The following LPCAT1 variants were observed in gnomAD, a reference collection of about 807,000 sequenced individuals.
LPCAT1 encodes the protein lysophosphatidylcholine acyltransferase 1, also known as 1-acylglycerol-3-phosphate O-acyltransferase.
Under a neutral mutation model 60.9 loss-of-function variants are expected in LPCAT1, and 23 were observed. The ratio of observed to expected loss-of-function variants is 0.38; its 90% CI spans 0.27 to 0.53. LPCAT1 has a LOEUF of 0.53. Ranked by LOEUF, LPCAT1 falls within the 20% of genes least tolerant of loss-of-function variation. The pLI, the probability that LPCAT1 is intolerant of heterozygous loss-of-function variation, is 0.82. For missense variants in LPCAT1, 622 were observed against 723.6 expected (o/e 0.86, Z 1.61); for synonymous variants, 340 against 301.1 (o/e 1.13, Z -1.34).
chr5:1,482,230 G>C (rs547956984), intron 6 of LPCAT1, among the ~76,000 whole-genome samples: 1 of 151,718 alleles, frequency 6.6e-6, no homozygotes, highest in South Asian at 2.1e-4. Context: ...GTGGAAGGGG[G>C]AACACAGCTG....
chr5:1,484,389 A>G (rs1035263784), intron 5 of LPCAT1, among the ~76,000 whole-genome samples: 2 of 152,242 alleles, frequency 1.3e-5, no homozygotes, highest in African/African-American at 4.8e-5. Flanking sequence ...CTCTATTGAA[A>G]GAGTTTTTTT....
chr5:1,507,574 T>C (rs941890045), intron 1 of LPCAT1, among the ~76,000 whole-genome samples: 2 of 152,006 alleles, frequency 1.3e-5, no homozygotes, highest in African/African-American at 4.8e-5. Flanking sequence ...AATGCAGAGA[T>C]GAAGATGGGA....
In LPCAT1 at chr5:1,501,513, A is replaced by T. The variant is rs961668552; in HGVS notation, c.226T>A (p.Ser76Thr). 3 of 1,613,756 alleles carry T rather than the reference A, an allele frequency of 1.9e-6. No homozygotes were observed. The Admixed American group carries it at 5.0e-5, about 27-fold the overall frequency. Residue 76 changes from serine (S) to threonine (T), a missense_variant, in exon 2 of 14, where the codon TCC becomes ACC. Around this residue, in one of 3 missense-constraint regions of LPCAT1, gnomAD observed 125 missense variants for 114.5 expected, o/e 1.09. Transcript: ENST00000283415. ...LLAWPLALVASLGSAEKEPEQ... is the reference protein window; with the variant it reads ...LLAWPLALVATLGSAEKEPEQ... The stretch of plus-strand genomic sequence containing the variant: ...GGTTCCTTCTCCGCAGAGCCCAGGG[A>T]TGCGACAAGTGCGAGGGGCCAGGCC...
chr5:1,480,862 G>A lies in LPCAT1; in HGVS notation c.761+80C>T. ...GCTTTCACAACTGCAAAAGTAACTAGCGTGCACAGCAGACCCCAAGCAGCC... is the reference window on the plus strand; with the variant it reads ...GCTTTCACAACTGCAAAAGTAACTAACGTGCACAGCAGACCCCAAGCAGCC... On this transcript the variant is annotated intron_variant, in intron 7 of 13. Coordinates refer to ENST00000283415, the MANE Select transcript of LPCAT1 (RefSeq NM_024830.5). This position sits in a 1 kb window ranked among gnomAD's most constrained non-coding sequence, Gnocchi z 6.4. The A allele has an allele frequency of 6.6e-7, 1 of 1,524,682 alleles. No homozygotes were observed. Among genetic ancestry groups the A allele is most frequent in the Non-Finnish European group, 9.1e-7 (1 of 1,099,334 alleles). The allele number at this position is 1,524,682 out of a possible 1,614,324, so 94.4% of individuals were successfully genotyped here.
Position 1,507,421 on chromosome 5 carries a change from T to G in LPCAT1, c.136-5818A>C, listed in dbSNP as rs73033825. 7.0e-3 allele frequency among the ~76,000 whole-genome samples: 1,067 copies of G among 152,358 alleles called. 11 individuals are homozygous for G. Among genetic ancestry groups the G allele is most frequent in the African/African-American group, 0.024 (1,001 of 41,586 alleles). On this transcript the variant is annotated intron_variant, in intron 1 of 13. Transcript: ENST00000283415. ...TGAGTTACTTCAACTATTTGAAAGT[T>G]GGCTACGATAAACCAAGGCGTCCAG...
chr5:1,499,741 C>T (rs1735936933), intron 2 of LPCAT1, among the ~76,000 whole-genome samples: 1 of 152,322 alleles, frequency 6.6e-6, no homozygotes, highest in Middle Eastern at 3.4e-3. Flanking sequence ...CTGCCCTCTC[C>T]TATGACTGCA....
chr5:1,483,455 A>G lies in LPCAT1; in HGVS notation c.699T>C (p.Pro233=), dbSNP rs150856752. The G allele has an allele frequency of 9.9e-6, 16 of 1,613,776 alleles. No homozygotes were observed. In the African/African-American group the frequency reaches 2.1e-4, roughly 21 times the overall value. ...GAFIPGAPVQ[P]VVLRYPNKLD... Reference sequence around the variant, plus strand: ...GTTTATTTGGATATCGTAAAACCACAGGCTGGACGGGCGCTCCAGGGATGA... The same window carrying G: ...GTTTATTTGGATATCGTAAAACCACGGGCTGGACGGGCGCTCCAGGGATGA... Residue 233 remains proline (P), a synonymous_variant, in exon 6 of 14, where the codon CCT becomes CCC. Transcript: ENST00000283415. This position sits in a 1 kb window ranked among gnomAD's most constrained non-coding sequence, Gnocchi z 9.2.
intron 1 of LPCAT1, among the ~76,000 whole-genome samples, chr5:1,508,924 T>G: frequency 6.6e-6 from 1 of 152,240 alleles, no homozygotes; most frequent in East Asian, 1.9e-4. Flanking sequence ...TCACAATCAG[T>G]GCTGAACTCA....
rs1168910926 is a variant in LPCAT1, at chr5:1,480,408, AGACGTCAGCACCCAGGAGGCCCT to A, written c.761+511_761+533del. The A allele has an allele frequency of 1.0e-6, 1 of 983,174 alleles. No individual in the cohort carries two copies. The highest frequency in any genetic ancestry group is 1.7e-5 in the African/African-American group (1 of 57,188). 60.9% of individuals were successfully genotyped at this position (983,174 alleles called of 1,614,324 possible). A position where few individuals can be genotyped will look rare whatever the true frequency, so the allele number is the denominator to read the frequency against. ...CCCTCTGCCCTCCCGACGTCAGCTCAGACGTCAGCACCCAGGAGGCCCTGACCAGCCTGTGGCCCCGGGCTTCT... is the reference window on the plus strand; with the variant it reads ...CCCTCTGCCCTCCCGACGTCAGCTCAGACCAGCCTGTGGCCCCGGGCTTCT... On this transcript the variant is annotated intron_variant, in intron 7 of 13. Coordinates refer to ENST00000283415, the MANE Select transcript of LPCAT1 (RefSeq NM_024830.5). The surrounding 1 kb of genome is among the most constrained non-coding windows in gnomAD (Gnocchi z 6.4).
At chr5:1,466,475 C>T (rs1324424440) in intron 13 of LPCAT1, among the ~76,000 whole-genome samples, 1 of 152,206 alleles carries the variant, frequency 6.6e-6, no homozygotes, top group East Asian at 1.9e-4. Flanking sequence ...TGAATCCCAG[C>T]CTGAGGCCAT....
chr5:1,479,558 T>C (rs1735049486), intron 8 of LPCAT1, 63 bp downstream of exon 8: 12 of 1,171,124 alleles, frequency 1.0e-5, no homozygotes, highest in South Asian at 2.4e-5. Flanking sequence ...GGCATCCTGG[T>C]GTAAGCTCGT....
At chr5:1,512,368 C>T (rs912150360) in intron 1 of LPCAT1, among the ~76,000 whole-genome samples, 7 of 152,196 alleles carry the variant, frequency 4.6e-5, no homozygotes, top group African/African-American at 9.6e-5. Context: ...CACAAGGCCC[C>T]GGCCCAAGAG....
chr5:1,523,024 C>A lies in LPCAT1; in HGVS notation c.135+686G>T, dbSNP rs1470958340. On this transcript the variant is annotated intron_variant, in intron 1 of 13. Coordinates refer to ENST00000283415, the MANE Select transcript of LPCAT1 (RefSeq NM_024830.5). The surrounding 1 kb of genome is among the most constrained non-coding windows in gnomAD (Gnocchi z 7.1). The stretch of plus-strand genomic sequence containing the variant: ...CAGCCCAGGTTGCATAAAGTTGATT[C>A]GGGTCAGACCAGCCCCGAGAAAGCA... Among the ~76,000 whole-genome samples the A allele has an allele frequency of 6.6e-6, 1 of 152,218 alleles. No homozygotes were observed. The highest frequency in any genetic ancestry group is 2.1e-4 in the South Asian group (1 of 4,834).
chr5:1,501,919 GCTGACCAACA>G (rs1736030251), intron 1 of LPCAT1, among the ~76,000 whole-genome samples: 1 of 149,720 alleles, frequency 6.7e-6, no homozygotes. Context: ...GCTGACCAAG[GCTGACCAACA>G]CTGACCGACA....
intron 1 of LPCAT1, among the ~76,000 whole-genome samples, chr5:1,509,601 C>A (rs1736293188): frequency 6.6e-6 from 1 of 152,176 alleles, no homozygotes. Flanking sequence ...CGGGAATCAC[C>A]CACTCCCGTC....
intron 5 of LPCAT1, among the ~76,000 whole-genome samples, chr5:1,486,848 C>T (rs575995109): frequency 6.6e-6 from 1 of 152,256 alleles, no homozygotes; most frequent in South Asian, 2.1e-4. Context: ...GAAATGGAGA[C>T]GGGGAAAGGA....
intron 1 of LPCAT1, among the ~76,000 whole-genome samples, chr5:1,513,969 C>T (rs997080601): frequency 6.6e-6 from 1 of 152,202 alleles, no homozygotes; most frequent in African/African-American, 2.4e-5. Context: ...ACCCGTGGGG[C>T]GGGACACCCT....
At chr5:1,490,299 G>A (rs2126551911) in intron 3 of LPCAT1, among the ~76,000 whole-genome samples, 1 of 152,328 alleles carries the variant, frequency 6.6e-6, no homozygotes, top group East Asian at 1.9e-4. Context: ...CCTGGTACCG[G>A]GAATGGGACC....
intron 2 of LPCAT1, among the ~76,000 whole-genome samples, 191 bp downstream of exon 2, chr5:1,501,270 T>C (rs1372363946): frequency 6.6e-6 from 1 of 152,020 alleles, no homozygotes; most frequent in Non-Finnish European, 1.5e-5. Flanking sequence ...GGCGGAGGCG[T>C]GGAAGACAGA....
Sources: gnomAD v4.1 joint callset for allele counts (sites outside exome capture counted in the v4.1 genomes callset) on GRCh38, gnomAD v4.1.1 for gene constraint, gnomAD v4.1.1 regional missense constraint, Gnocchi (gnomAD v3.1) non-coding constraint, MANE v1.5 for transcripts, NCBI Gene and HGNC (gene_info 2026-07-23, HGNC 2026-07-21) for gene names.